RASL12: variants seen among roughly 807,000 people sequenced by gnomAD.
The protein encoded by RASL12 is RAS like family 12, also known as ras-like protein family member 12.
In RASL12, 16 loss-of-function variants were observed where a neutral mutation model predicts 22.9. That is an observed-to-expected ratio of 0.70 (90% CI 0.47 to 1.06). RASL12 has a LOEUF of 1.06. RASL12 is among the 50% of genes least tolerant of loss of function. The pLI is 0.00. For synonymous variants in RASL12, 159 were observed against 152.2 expected (o/e 1.04, Z -0.33); for missense variants, 306 against 353.1 (o/e 0.87, Z 1.07).
chr15:65,055,348 CAG>C, intron 4 of RASL12, 74 bp from the exon 5 acceptor site: 1 of 1,372,298 alleles, frequency 7.3e-7, no homozygotes, highest in East Asian at 2.5e-5. Context: ...CTCCTACACC[CAG>C]CGCCCCATGG....
chr15:65,048,346 T>C (rs2086604468), downstream of RASL12, among the ~76,000 whole-genome samples: 2 of 152,258 alleles, frequency 1.3e-5, no homozygotes, highest in South Asian at 4.1e-4. Flanking sequence ...TATGCCTTTT[T>C]AGTTTTCTCA....
chr15:65,058,906 C>A (rs182195527), intron 3 of RASL12, among the ~76,000 whole-genome samples: 302 of 152,376 alleles, frequency 2.0e-3, no homozygotes, highest in African/African-American at 6.7e-3. Flanking sequence ...TCCCTGGGCA[C>A]CACTGGTTTT....
chr15:65,067,319 G>T (rs2086889635), intron 1 of RASL12, among the ~76,000 whole-genome samples: 1 of 152,024 alleles, frequency 6.6e-6, no homozygotes, highest in African/African-American at 2.4e-5. Flanking sequence ...AGGTCCCTTT[G>T]AAGCCAGTCG....
chr15:65,055,407 G>T lies in RASL12; in HGVS notation c.426-133C>A. ...CATCTTCACCTCTCTGAGTCTCAGC[G>T]TTCTTATCAGTACAGTGGGTTACTG... On this transcript the variant is annotated intron_variant, in intron 4 of 4. Coordinates refer to ENST00000220062, the MANE Select transcript of RASL12 (RefSeq NM_016563.4). 2 of 722,144 alleles carry T rather than the reference G, an allele frequency of 2.8e-6. 1 individual carries two copies. Among genetic ancestry groups the T allele is most frequent in the South Asian group, 3.8e-5 (2 of 52,762 alleles). The allele number at this position is 722,144 out of a possible 1,614,324, so 44.7% of individuals were successfully genotyped here. A position where few individuals can be genotyped will look rare whatever the true frequency, so the allele number is the denominator to read the frequency against.
At position 65,076,621 on chromosome 15, in the gene RASL12, C is replaced by G. The variant is rs75289239; in HGVS notation, c.-23G>C. 2.6e-4 allele frequency: 181 copies of G among 702,578 alleles called. No individual in the cohort carries two copies. In the East Asian group the frequency reaches 4.4e-3, roughly 17 times the overall value. 43.5% of individuals were successfully genotyped at this position (702,578 alleles called of 1,614,324 possible). On this transcript the variant is annotated 5_prime_UTR_variant, in exon 1 of 5. Transcript: ENST00000434605. ...CATTTCTTCTAAGGATATGAGTGAT[C>G]ACACAGGTCTCCAGATGCCCTCCGG... is the stretch of plus-strand genomic sequence containing the variant.
downstream of RASL12, chr15:65,051,627 G>T: frequency 6.2e-7 from 1 of 1,610,472 alleles, no homozygotes; most frequent in Middle Eastern, 1.7e-4. Flanking sequence ...GTCCTGGGGG[G>T]ATGGGGTGGT....
At chr15:65,053,061 CTT>C (rs748379131), downstream of RASL12, 1 of 1,614,058 alleles carries the variant, frequency 6.2e-7, no homozygotes, top group Non-Finnish European at 8.5e-7. Flanking sequence ...CTAAGAGAAA[CTT>C]TGCTCTCAGA....
downstream of RASL12, chr15:65,051,656 C>T (rs769137789): frequency 1.3e-6 from 2 of 1,547,174 alleles, no homozygotes; most frequent in Admixed American, 1.7e-5. Flanking sequence ...GGTAGAGGCC[C>T]TGCCTTCCCA....
intron 1 of RASL12, 100 bp from the exon 2 acceptor site, chr15:65,065,373 C>T: frequency 9.2e-7 from 1 of 1,091,300 alleles, no homozygotes; most frequent in Non-Finnish European, 1.3e-6. Context: ...TGATCCCCGG[C>T]TGACACCAAG....
downstream of RASL12, chr15:65,052,962 C>G: frequency 1.9e-6 from 3 of 1,584,476 alleles, no homozygotes; most frequent in Non-Finnish European, 2.6e-6. Context: ...CCCTGTCCCC[C>G]CAGAAAAGAA....
chr15:65,075,033 C>T (rs1263582100), intron 1 of RASL12, among the ~76,000 whole-genome samples: 1 of 152,204 alleles, frequency 6.6e-6, no homozygotes, highest in African/African-American at 2.4e-5. Flanking sequence ...GGGAGAGGCG[C>T]GAGCGGGAAC....
At chr15:65,057,605 C>T (rs778023074) in intron 4 of RASL12, among the ~76,000 whole-genome samples, 9 of 152,172 alleles carry the variant, frequency 5.9e-5, no homozygotes, top group Admixed American at 2.0e-4. Context: ...CTCTGACCTC[C>T]GATTCGAGTC....
downstream of RASL12, among the ~76,000 whole-genome samples, chr15:65,051,877 G>T (rs993213416): frequency 5.9e-5 from 9 of 152,188 alleles, no homozygotes; most frequent in African/African-American, 2.2e-4. Context: ...CAGAAGGCGA[G>T]CTTGCCCCTC....
At chr15:65,051,403 G>A (rs1475982723), downstream of RASL12, 7 of 980,432 alleles carry the variant, frequency 7.1e-6, no homozygotes, top group East Asian at 5.0e-5. Flanking sequence ...GGGTCTCCAC[G>A]CAAAGGACAG....
intron 4 of RASL12, 40 bp from the exon 5 acceptor site, chr15:65,055,314 G>A: frequency 1.3e-6 from 2 of 1,484,966 alleles, no homozygotes; most frequent in Non-Finnish European, 1.8e-6. Flanking sequence ...TTAGGAGCAG[G>A]CTGTGCCAAG....
At chr15:65,048,195 GAA>G in the RASL12 span, among the ~76,000 whole-genome samples, 3,139 of 124,262 alleles carry the variant, frequency 0.025, 141 homozygotes, top group African/African-American at 0.081. Flanking sequence ...GAAAAAAAAA[GAA>G]AAAAAAAAAA....
downstream of RASL12, among the ~76,000 whole-genome samples, chr15:65,051,767 A>AAAACAAACAAACAAAC (rs58082384): frequency 2.7e-5 from 4 of 150,492 alleles, no homozygotes; most frequent in South Asian, 2.1e-4. Flanking sequence ...CAAGCTGTTA[A>AAAACAAACAAACAAAC]AAACAAACAA....
At chr15:65,057,407 G>C (rs1177519388) in intron 4 of RASL12, among the ~76,000 whole-genome samples, 1 of 152,198 alleles carries the variant, frequency 6.6e-6, no homozygotes, top group Non-Finnish European at 1.5e-5. Context: ...AAATGCTTCA[G>C]GGCCAGGCGG....
At chr15:65,061,435 C>T (rs1317640766) in intron 2 of RASL12, among the ~76,000 whole-genome samples, 3 of 152,176 alleles carry the variant, frequency 2.0e-5, no homozygotes, top group East Asian at 1.9e-4. Flanking sequence ...CCTTGGAGCT[C>T]GTACTGTCCA....
Sources: allele counts gnomAD v4.1 joint callset (sites outside exome capture counted in the v4.1 genomes callset), GRCh38; gene constraint gnomAD v4.1.1; transcripts MANE v1.5; gene names NCBI Gene and HGNC (gene_info 2026-07-23, HGNC 2026-07-21).